The following HPD variants were observed in gnomAD, a reference collection of about 807,000 sequenced individuals.
The protein encoded by HPD is 4-hydroxyphenylpyruvate dioxygenase, also known as 4-hydroxyphenylpyruvic acid oxidase.
HPD carries 35 observed loss-of-function variants against 56.9 expected under a neutral mutation model. The observed-to-expected ratio is 0.62, with a 90% confidence interval of 0.47 to 0.82. The LOEUF is 0.82. Among genes scored for constraint, HPD ranks in the 40% least tolerant of loss-of-function variants. The pLI is 0.00. For synonymous variants in HPD, 186 were observed against 200.2 expected, an observed-to-expected ratio of 0.93 and a Z score of 0.60; for missense variants, 442 against 506.8, an observed-to-expected ratio of 0.87 and a Z score of 1.23.
At chr12:121,854,187 C>T (rs1388878728) in intron 7 of HPD, among the ~76,000 whole-genome samples, 1 of 151,874 alleles carries the variant, frequency 6.6e-6, no homozygotes, top group African/African-American at 2.4e-5. Flanking sequence ...ACCTGGGAGG[C>T]GGAGGTTGCA....
the HPD span, among the ~76,000 whole-genome samples, chr12:121,885,804 A>G: frequency 6.6e-6 from 1 of 151,786 alleles, no homozygotes; most frequent in African/African-American, 2.4e-5. Context: ...CTCTACTAAA[A>G]ATACAAAAAA....
the HPD span, among the ~76,000 whole-genome samples, chr12:121,875,210 T>A: frequency 6.6e-6 from 1 of 152,178 alleles, no homozygotes; most frequent in Non-Finnish European, 1.5e-5. Context: ...CAAATTGGTG[T>A]GGCTATGTGC....
chr12:121,856,766 C>T (rs1243893567), intron 4 of HPD, 141 bp from the exon 5 acceptor site: 11 of 766,224 alleles, frequency 1.4e-5, no homozygotes, highest in Admixed American at 4.0e-5. Flanking sequence ...TCCTTCTCTG[C>T]CTTAGTTTCC....
chr12:121,844,114 G>A (rs559549005), intron 11 of HPD, among the ~76,000 whole-genome samples: 10 of 152,012 alleles, frequency 6.6e-5, no homozygotes, highest in Non-Finnish European at 1.2e-4. Context: ...GCAGTGGCAC[G>A]ATCTTAGCTC....
In HPD at chr12:121,843,797, T is replaced by C. The variant is rs368407463; in HGVS notation, c.867A>G (p.Leu289=). 2 of 1,613,972 alleles carry C rather than the reference T, an allele frequency of 1.2e-6. No individual in the cohort carries two copies. Among genetic ancestry groups the C allele is most frequent in the African/African-American group, 1.3e-5 (1 of 74,894 alleles). ...GTTTGTAGTACGTGGAGGGAACAGA[T>C]AAGAACTCCAGGCCTCTCTCTCTCA... The part of the protein sequence containing the change: ...RHLRERGLEF[L]SVPSTYYKQL... The change falls in exon 12 of 14, where the codon TTA becomes TTG. Residue 289 remains leucine, a synonymous_variant. Transcript: ENST00000289004.
the HPD span, among the ~76,000 whole-genome samples, chr12:121,886,411 T>TTTG: frequency 1.4e-4 from 5 of 36,494 alleles, no homozygotes; most frequent in Non-Finnish European, 2.0e-4. Flanking sequence ...CCTGGCCTAG[T>TTTG]TTTTTTTTTT....
chr12:121,883,816 G>A, the HPD span, among the ~76,000 whole-genome samples: 9 of 151,636 alleles, frequency 5.9e-5, no homozygotes, highest in African/African-American at 1.9e-4. Flanking sequence ...GCCTACAAAA[G>A]TTTCCTTGAA....
chr12:121,851,634 C>A (rs554518722), intron 7 of HPD, among the ~76,000 whole-genome samples: 4 of 151,930 alleles, frequency 2.6e-5, no homozygotes, highest in African/African-American at 7.2e-5. Context: ...ACACTTTAAC[C>A]ATTTTTATGT....
intron 11 of HPD, among the ~76,000 whole-genome samples, chr12:121,844,396 G>T (rs1877507866): frequency 1.3e-5 from 2 of 152,064 alleles, no homozygotes; most frequent in South Asian, 4.1e-4. Context: ...ATCTTTTGAG[G>T]CAGCTGAAGG....
At chr12:121,864,284 G>A (rs144483576), upstream of HPD, among the ~76,000 whole-genome samples, 58 of 152,050 alleles carry the variant, frequency 3.8e-4, no homozygotes, top group Admixed American at 8.5e-4. Context: ...CAGGTACAGT[G>A]GCTCATACCT....
At chr12:121,867,510 G>A (rs1352768735), upstream of HPD, among the ~76,000 whole-genome samples, 2 of 151,590 alleles carry the variant, frequency 1.3e-5, no homozygotes, top group African/African-American at 4.8e-5. Flanking sequence ...ACACCAACAT[G>A]ACTGGCTAAA....
At chr12:121,873,025 A>G in the HPD span, among the ~76,000 whole-genome samples, 1 of 152,050 alleles carries the variant, frequency 6.6e-6, no homozygotes. Flanking sequence ...CACCACCACC[A>G]TCTGTGAGCA....
chr12:121,853,876 G>A (rs1877897436), intron 7 of HPD, among the ~76,000 whole-genome samples: 1 of 151,906 alleles, frequency 6.6e-6, no homozygotes, highest in African/African-American at 2.4e-5. Context: ...GGCAGAGGTT[G>A]CAGTGAGCTG....
chr12:121,857,360 C>A lies in HPD; in HGVS notation c.166G>T (p.Glu56Ter). The change falls in exon 4 of 14, where the codon GAG (glutamate) becomes TAG (stop). Residue 56 changes from glutamate to a stop codon, truncating the protein, a stop_gained. Coordinates refer to ENST00000289004, the MANE Select transcript of HPD (RefSeq NM_002150.3). LOFTEE classifies it high-confidence loss of function. Reference sequence around the variant, plus strand: ...TGTTTGATTACATGGCTGACCACCTCCCGGGAACCGGTCTCCAGGCCCCTG... The same window carrying A: ...TGTTTGATTACATGGCTGACCACCTACCGGGAACCGGTCTCCAGGCCCCTG... ...AYRGLETGSR[E>*]VVSHVIKQGK... 1 of 1,614,034 alleles carries A rather than the reference C, an allele frequency of 6.2e-7. No individual in the cohort carries two copies. Among genetic ancestry groups the A allele is most frequent in the African/African-American group, 1.3e-5 (1 of 75,040 alleles).
At chr12:121,858,999 C>A (rs1566575529), upstream of HPD, 1 of 696,140 alleles carries the variant, frequency 1.4e-6, no homozygotes, top group Non-Finnish European at 2.6e-6. Context: ...CAGCCGCAGC[C>A]TCATTGAACA....
chr12:121,842,740 TC>T (rs1877448569), intron 12 of HPD, among the ~76,000 whole-genome samples: 1 of 113,524 alleles, frequency 8.8e-6, no homozygotes, highest in Non-Finnish European at 1.8e-5. Flanking sequence ...CTAAAATGGA[TC>T]TTTTTTTTTT....
chr12:121,850,647 C>T (rs115020520), intron 7 of HPD, among the ~76,000 whole-genome samples: 1,550 of 141,368 alleles, frequency 0.011, 38 homozygotes, highest in African/African-American at 0.038. Flanking sequence ...CCCACCTCAA[C>T]ATCCCAAAGT....
At chr12:121,885,095 T>C in the HPD span, among the ~76,000 whole-genome samples, 2 of 152,038 alleles carry the variant, frequency 1.3e-5, no homozygotes, top group African/African-American at 4.8e-5. Flanking sequence ...TTCACCATGT[T>C]GGTCAGGCTA....
rs373890503 is a variant in HPD, at chr12:121,839,885, G to A, written c.1071+47C>T. ...ATGAGCCAAGGACCCAGAAAACCGA[G>A]TGTGCTAGCTGCCTGTCCCCTCGGG... On this transcript the variant is annotated intron_variant, in intron 13 of 13. Transcript: ENST00000289004. 7 of 1,606,754 alleles carry A rather than the reference G, an allele frequency of 4.4e-6. No individual in the cohort carries two copies. The African/African-American group carries it at 9.4e-5, about 21-fold the overall frequency.
Sources: gnomAD v4.1 joint callset for allele counts (sites outside exome capture counted in the v4.1 genomes callset) on GRCh38, gnomAD v4.1.1 for gene constraint, MANE v1.5 for transcripts, NCBI Gene and HGNC (gene_info 2026-07-23, HGNC 2026-07-21) for gene names.